The following PTP4A1 variants were observed in gnomAD, a reference collection of about 807,000 sequenced individuals.
The protein encoded by PTP4A1 is protein tyrosine phosphatase 4A1.
A neutral mutation model predicts 20.5 loss-of-function variants in PTP4A1; 9 were observed. The observed-to-expected ratio is 0.44, with a 90% CI of 0.26 to 0.77. The LOEUF (loss-of-function observed/expected upper bound fraction) is 0.77, where lower values mean the gene tolerates loss of function less well. Among genes scored for constraint, PTP4A1 ranks in the 30% least tolerant of loss-of-function variants. The pLI is 0.19. For synonymous variants in PTP4A1, 78 were observed against 67.4 expected (o/e 1.16, Z -0.77); for missense variants, 137 against 218.8 (o/e 0.63, Z 2.36).
upstream of PTP4A1, among the ~76,000 whole-genome samples, chr6:63,517,272 G>A (rs1466236675): frequency 6.6e-6 from 1 of 152,068 alleles, no homozygotes; most frequent in Non-Finnish European, 1.5e-5. Context: ...TCAAAGAATA[G>A]AGTTTCTCCT....
chr6:63,521,459 A>G (rs1254654048), upstream of PTP4A1, among the ~76,000 whole-genome samples: 2 of 152,206 alleles, frequency 1.3e-5, no homozygotes, highest in Non-Finnish European at 2.9e-5. Context: ...GGAACACACC[A>G]AAGGAGCTAA....
intron 2 of PTP4A1, among the ~76,000 whole-genome samples, chr6:63,544,998 C>T (rs1776123961): frequency 6.6e-6 from 1 of 152,118 alleles, no homozygotes; most frequent in South Asian, 2.1e-4. Context: ...ACTGATGATT[C>T]GATCCCAAAT....
upstream of PTP4A1, chr6:63,572,046 C>T (rs1005633934): frequency 6.6e-6 from 1 of 152,288 alleles, no homozygotes; most frequent in Non-Finnish European, 1.5e-5. Flanking sequence ...AGAAAGCAGG[C>T]TCGACACTGA....
chr6:63,548,496 C>T (rs1222996341), intron 2 of PTP4A1, among the ~76,000 whole-genome samples: 3 of 152,314 alleles, frequency 2.0e-5, no homozygotes, highest in Admixed American at 6.5e-5. Flanking sequence ...TTGTCTCCAT[C>T]GTAGCAGCCT....
intron 3 of PTP4A1, among the ~76,000 whole-genome samples, chr6:63,552,422 T>C (rs1776492377): frequency 6.6e-6 from 1 of 152,224 alleles, no homozygotes; most frequent in Non-Finnish European, 1.5e-5. Context: ...TCTTTGTAGA[T>C]TCTAGATATT....
chr6:63,546,546 A>T (rs953042758), intron 2 of PTP4A1, among the ~76,000 whole-genome samples: 1 of 152,208 alleles, frequency 6.6e-6, no homozygotes, highest in Non-Finnish European at 1.5e-5. Flanking sequence ...TCTCTACTAA[A>T]TACATAAAAA....
intron 2 of PTP4A1, among the ~76,000 whole-genome samples, chr6:63,537,962 A>G (rs1775794845): frequency 6.6e-6 from 1 of 152,264 alleles, no homozygotes; most frequent in Admixed American, 6.5e-5. Context: ...GTAGTGTCAC[A>G]GACAAATTTC....
chr6:63,560,094 A>G (rs982654792), intron 3 of PTP4A1, among the ~76,000 whole-genome samples: 1 of 152,182 alleles, frequency 6.6e-6, no homozygotes, highest in African/African-American at 2.4e-5. Flanking sequence ...CATCATTTAC[A>G]ATAGTGCCTC....
In PTP4A1 at chr6:63,566,797, T is replaced by C. The variant is rs551174244; in HGVS notation, c.-445-9639T>C. ...CTCTGTAGCAGGCAGTGCTGTTTGA[T>C]AGTATTTTACACACAAGAGAACTCC... On this transcript the variant is annotated intron_variant, in intron 3 of 3. Transcript: ENST00000639568. 2.6e-5 allele frequency among the ~76,000 whole-genome samples: 4 copies of C among 152,348 alleles called. No homozygotes were observed. The South Asian group carries it at 8.3e-4, about 32-fold the overall frequency.
At chr6:63,579,453 C>CAA in intron 5 of PTP4A1, 122 bp downstream of exon 5, 1 of 648,060 alleles carries the variant, frequency 1.5e-6, no homozygotes, top group South Asian at 4.0e-5. Context: ...GTATTAAAAC[C>CAA]AGGAAATCAA....
chr6:63,556,926 T>C (rs1776710426), intron 3 of PTP4A1, among the ~76,000 whole-genome samples: 1 of 152,208 alleles, frequency 6.6e-6, no homozygotes. Flanking sequence ...TCTAATCTCA[T>C]TGTCTGCTGC....
chr6:63,552,788 G>C (rs909062627), intron 3 of PTP4A1, among the ~76,000 whole-genome samples: 1 of 152,140 alleles, frequency 6.6e-6, no homozygotes, highest in African/African-American at 2.4e-5. Context: ...TTATTAAATA[G>C]GGAAACCTTT....
At chr6:63,569,407 C>T (rs925483137), upstream of PTP4A1, among the ~76,000 whole-genome samples, 13 of 152,118 alleles carry the variant, frequency 8.5e-5, no homozygotes, top group African/African-American at 2.9e-4. Context: ...GAGGTGCCTG[C>T]CACCATGCCC....
chr6:63,538,415 A>G (rs1257220014), intron 2 of PTP4A1, among the ~76,000 whole-genome samples: 1 of 152,260 alleles, frequency 6.6e-6, no homozygotes, highest in Non-Finnish European at 1.5e-5. Flanking sequence ...GAATTATAAA[A>G]GATCAATGTT....
chr6:63,537,948 G>A (rs562690464), intron 2 of PTP4A1, among the ~76,000 whole-genome samples: 3 of 152,314 alleles, frequency 2.0e-5, no homozygotes, highest in East Asian at 1.9e-4. Context: ...ACAGAAAAGA[G>A]GATGTAGTGT....
At chr6:63,528,444 G>T (rs1775283298) in intron 2 of PTP4A1, among the ~76,000 whole-genome samples, 2 of 150,698 alleles carry the variant, frequency 1.3e-5, no homozygotes, top group Non-Finnish European at 3.0e-5. Context: ...TTTTTTTAAG[G>T]CCGGGTACAG....
At chr6:63,568,365 T>C (rs914904396), upstream of PTP4A1, among the ~76,000 whole-genome samples, 2 of 152,218 alleles carry the variant, frequency 1.3e-5, no homozygotes, top group African/African-American at 4.8e-5. Context: ...TATTGCTGTG[T>C]CTCACTGAGG....
intron 2 of PTP4A1, chr6:63,548,903 G>C (rs918330179): frequency 1.1e-6 from 1 of 883,050 alleles, no homozygotes; most frequent in Non-Finnish European, 1.9e-6. Context: ...GTATGAAGGC[G>C]ACAGTGGTGC....
At chr6:63,535,315 A>C (rs1343446328) in intron 2 of PTP4A1, among the ~76,000 whole-genome samples, 1 of 152,042 alleles carries the variant, frequency 6.6e-6, no homozygotes, top group Non-Finnish European at 1.5e-5. Context: ...AAATACAAAA[A>C]ATAAGCCAGG....
Sources: allele counts gnomAD v4.1 joint callset (sites outside exome capture counted in the v4.1 genomes callset), GRCh38; gene constraint gnomAD v4.1.1; transcripts MANE v1.5; gene names NCBI Gene and HGNC (gene_info 2026-07-23, HGNC 2026-07-21).